The following TSC22D1 variants were observed in gnomAD, a reference collection of about 807,000 sequenced individuals.
TSC22D1 encodes TSC22 domain family member 1.
Under a neutral mutation model 74.2 loss-of-function variants are expected in TSC22D1, and 9 were observed. The ratio of observed to expected loss-of-function variants is 0.12; its 90% CI spans 0.07 to 0.21. TSC22D1 has a LOEUF of 0.21. Among genes scored for constraint, TSC22D1 ranks in the 10% least tolerant of loss-of-function variants. TSC22D1 has a pLI of 1.00. For missense variants in TSC22D1, 1,427 were observed against 1,304.7 expected (o/e 1.09, Z -1.44); for synonymous variants, 586 against 492.5 (o/e 1.19, Z -2.51).
At chr13:44,559,068 AAG>A (rs1882868195) in intron 1 of TSC22D1, among the ~76,000 whole-genome samples, 1 of 152,266 alleles carries the variant, frequency 6.6e-6, no homozygotes, top group East Asian at 1.9e-4. Context: ...ATTGAAAATG[AAG>A]AACAGTTTAA....
intron 1 of TSC22D1, among the ~76,000 whole-genome samples, chr13:44,485,854 A>G (rs1453987190): frequency 6.6e-6 from 1 of 152,118 alleles, no homozygotes; most frequent in African/African-American, 2.4e-5. Flanking sequence ...TATCAAATAA[A>G]TTGTAGGTAG....
upstream of TSC22D1, chr13:44,576,712 G>C (rs1342481088): frequency 1.3e-5 from 2 of 153,016 alleles, no homozygotes; most frequent in African/African-American, 4.8e-5. Context: ...GCTGGCCGCG[G>C]CTGGGGCCGG....
intron 1 of TSC22D1, among the ~76,000 whole-genome samples, chr13:44,525,236 C>T: frequency 6.6e-6 from 1 of 152,188 alleles, no homozygotes; most frequent in South Asian, 2.1e-4. Flanking sequence ...CAACACTCAT[C>T]TTACTACAAT....
intron 1 of TSC22D1, among the ~76,000 whole-genome samples, chr13:44,451,800 T>C (rs1246248868): frequency 2.0e-5 from 3 of 152,154 alleles, no homozygotes; most frequent in African/African-American, 4.8e-5. Flanking sequence ...CAGTGAGCTA[T>C]AGGGGGCACA....
chr13:44,512,324 C>T (rs1330997617), intron 1 of TSC22D1, among the ~76,000 whole-genome samples: 1 of 151,920 alleles, frequency 6.6e-6, no homozygotes, highest in Non-Finnish European at 1.5e-5. Context: ...CGCCCATCAC[C>T]GCGCCCGGCT....
At chr13:44,536,589 A>G in intron 1 of TSC22D1, 1 of 322,306 alleles carries the variant, frequency 3.1e-6, no homozygotes. Flanking sequence ...TATGAATTGC[A>G]TAGTTCTCTA....
chr13:44,484,493 G>A (rs1051793546), intron 1 of TSC22D1, among the ~76,000 whole-genome samples: 20 of 152,050 alleles, frequency 1.3e-4, no homozygotes, highest in African/African-American at 4.6e-4. Context: ...AGAAACATAC[G>A]TTACTTTAAT....
At chr13:44,566,905 C>T (rs192200073) in intron 1 of TSC22D1, among the ~76,000 whole-genome samples, 1 of 152,184 alleles carries the variant, frequency 6.6e-6, no homozygotes, top group African/African-American at 2.4e-5. Flanking sequence ...TTGGCAGTAC[C>T]ACATCTATAT....
chr13:44,436,387 C>G, intron 1 of TSC22D1: 1 of 1,317,968 alleles, frequency 7.6e-7, no homozygotes, highest in South Asian at 1.4e-5. Flanking sequence ...AAAACAACAT[C>G]CATGTCACCA....
intron 1 of TSC22D1, chr13:44,539,681 C>A (rs573907412): frequency 2.0e-4 from 238 of 1,171,112 alleles, no homozygotes; most frequent in Non-Finnish European, 2.5e-4. Flanking sequence ...TAAATGAACC[C>A]AAGGAGTTTA....
chr13:44,447,904 T>G (rs1176525496), intron 1 of TSC22D1, among the ~76,000 whole-genome samples: 1 of 148,076 alleles, frequency 6.8e-6, no homozygotes, highest in African/African-American at 2.5e-5. Flanking sequence ...GAGAGAGAGA[T>G]GGGGCTCAAC....
chr13:44,534,162 G>A (rs1881007161), intron 1 of TSC22D1, among the ~76,000 whole-genome samples: 1 of 151,264 alleles, frequency 6.6e-6, no homozygotes, highest in Non-Finnish European at 1.5e-5. Context: ...GGAGTTCGAG[G>A]CTGCAGTAAG....
chr13:44,470,191 T>C (rs986636467), intron 1 of TSC22D1, among the ~76,000 whole-genome samples: 2 of 152,060 alleles, frequency 1.3e-5, no homozygotes, highest in Non-Finnish European at 2.9e-5. Flanking sequence ...GGAACAAATA[T>C]GAAAGAAAAC....
intron 1 of TSC22D1, among the ~76,000 whole-genome samples, chr13:44,558,016 G>A (rs573220024): frequency 1.4e-4 from 22 of 152,266 alleles, no homozygotes; most frequent in African/African-American, 5.1e-4. Flanking sequence ...TAATAATAAA[G>A]ATTGAAGGAA....
chr13:44,461,150 T>C (rs774616638), intron 1 of TSC22D1, among the ~76,000 whole-genome samples: 25 of 152,232 alleles, frequency 1.6e-4, no homozygotes, highest in Non-Finnish European at 3.2e-4. Context: ...GTATCTTGCT[T>C]AATATTCAAC....
chr13:44,576,134 T>C lies in TSC22D1; in HGVS notation c.-60A>G, dbSNP rs1884228557. 5 of 1,428,920 alleles carry C rather than the reference T, an allele frequency of 3.5e-6. No individual in the cohort carries two copies. In the Admixed American group the frequency reaches 8.7e-5, roughly 25 times the overall value. The allele number at this position is 1,428,920 out of a possible 1,614,324, so 88.5% of individuals were successfully genotyped here. On this transcript the variant is annotated 5_prime_UTR_variant, in exon 1 of 3. Transcript: ENST00000458659. ...GCAATTTCCTTCTGCACCGTAATCT[T>C]TGTATTGGAGACGCCGGAGAGGAAA...
chr13:44,453,138 T>G (rs1303139932), intron 1 of TSC22D1, among the ~76,000 whole-genome samples: 1 of 152,236 alleles, frequency 6.6e-6, no homozygotes, highest in Non-Finnish European at 1.5e-5. Flanking sequence ...CAAACTAGTT[T>G]GCCTCTAAGA....
At chr13:44,446,848 G>A (rs1875712762) in intron 1 of TSC22D1, among the ~76,000 whole-genome samples, 1 of 116,500 alleles carries the variant, frequency 8.6e-6, no homozygotes, top group Admixed American at 1.0e-4. Context: ...GGAAGAAGAA[G>A]AAGAGGAAAA....
At chr13:44,506,817 T>C (rs753504474) in intron 1 of TSC22D1, among the ~76,000 whole-genome samples, 1 of 152,116 alleles carries the variant, frequency 6.6e-6, no homozygotes, top group Admixed American at 6.6e-5. Context: ...TCATACAGCC[T>C]GGACTACAGT....
Sources: allele counts gnomAD v4.1 joint callset (sites outside exome capture counted in the v4.1 genomes callset), GRCh38; gene constraint gnomAD v4.1.1; transcripts MANE v1.5; gene names NCBI Gene and HGNC (gene_info 2026-07-23, HGNC 2026-07-21).